SEMA3A: variants seen among roughly 807,000 people sequenced by gnomAD.
SEMA3A encodes the protein semaphorin 3A, also known as semaphorin-3A.
Under a neutral mutation model 97.9 loss-of-function variants are expected in SEMA3A, and 29 were observed. That is an observed-to-expected ratio of 0.30 (90% confidence interval 0.22 to 0.40). The LOEUF is 0.40. Among genes scored for constraint, SEMA3A ranks in the 10% least tolerant of loss-of-function variants. SEMA3A has a pLI of 1.00. For missense variants in SEMA3A, 763 were observed against 951.3 expected, an observed-to-expected ratio of 0.80 and a Z score of 2.60; for synonymous variants, 321 against 323.7, an observed-to-expected ratio of 0.99 and a Z score of 0.09.
At chr7:83,983,452 G>GA (rs1431993700) in intron 13 of SEMA3A, among the ~76,000 whole-genome samples, 2 of 151,988 alleles carry the variant, frequency 1.3e-5, no homozygotes, top group African/African-American at 4.8e-5. Context: ...TATATTTATA[G>GA]ATTTTTTTAA....
chr7:84,159,034 A>G (rs1395839801), intron 1 of SEMA3A, among the ~76,000 whole-genome samples: 1 of 152,110 alleles, frequency 6.6e-6, no homozygotes, highest in Non-Finnish European at 1.5e-5. Context: ...AATAAAAAAA[A>G]AAACCTTCAT....
intron 1 of SEMA3A, among the ~76,000 whole-genome samples, chr7:84,150,913 C>A (rs1796635268): frequency 6.6e-6 from 1 of 150,846 alleles, no homozygotes; most frequent in Non-Finnish European, 1.5e-5. Flanking sequence ...AGACTGCCTC[C>A]TCAAGTGGGT....
intron 3 of SEMA3A, among the ~76,000 whole-genome samples, chr7:84,213,814 A>G (rs1397018190): frequency 2.0e-5 from 3 of 152,198 alleles, no homozygotes; most frequent in African/African-American, 7.2e-5. Flanking sequence ...TTAATTTTTA[A>G]TTACAAAATT....
chr7:84,439,439 T>G (rs1228948), intron 1 of SEMA3A, among the ~76,000 whole-genome samples: 26,924 of 152,210 alleles, frequency 0.18, 2,522 homozygotes, highest in Middle Eastern at 0.24. Context: ...GATTACTGAC[T>G]GCAATGCTAG....
intron 2 of SEMA3A, among the ~76,000 whole-genome samples, chr7:84,358,491 T>C (rs1327300954): frequency 6.6e-6 from 1 of 152,142 alleles, no homozygotes; most frequent in African/African-American, 2.4e-5. Context: ...GTTCCATTGG[T>C]CTCTGTCTCT....
chr7:84,115,046 C>T (rs1392897446), intron 3 of SEMA3A, among the ~76,000 whole-genome samples: 1 of 151,978 alleles, frequency 6.6e-6, no homozygotes, highest in East Asian at 1.9e-4. Flanking sequence ...TTAGAATATG[C>T]CATAATAAAA....
chr7:84,415,234 T>C (rs7788019), intron 1 of SEMA3A, among the ~76,000 whole-genome samples: 1 of 152,070 alleles, frequency 6.6e-6, no homozygotes, highest in South Asian at 2.1e-4. Context: ...AAATCTGTGT[T>C]AAAAAATCTG....
intron 5 of SEMA3A, 75 bp downstream of exon 5, chr7:84,060,390 G>A: frequency 1.2e-6 from 1 of 862,916 alleles, no homozygotes. Context: ...GAAAATCTTG[G>A]TAGATAAAAA....
rs1425322939 is a variant in SEMA3A at position 84,051,799 on chromosome 7, G to A, written c.548-5356C>T. Reference sequence around the variant, plus strand: ...TCCCTGTATTGTGCCAGTCTTCAAAGGGAATGCTTCCAGTTTTTGCACATT... The same window carrying A: ...TCCCTGTATTGTGCCAGTCTTCAAAAGGAATGCTTCCAGTTTTTGCACATT... On this transcript the variant is annotated intron_variant, in intron 5 of 16. Coordinates refer to ENST00000265362, the MANE Select transcript of SEMA3A (RefSeq NM_006080.3). 3.3e-5 allele frequency among the ~76,000 whole-genome samples: 5 copies of A among 151,936 alleles called. No homozygotes were observed. The East Asian group carries it at 7.8e-4, about 24-fold the overall frequency.
chr7:83,994,864 G>A (rs62473917), intron 12 of SEMA3A, among the ~76,000 whole-genome samples: 18,441 of 152,156 alleles, frequency 0.12, 1,402 homozygotes, highest in Non-Finnish European at 0.17. Context: ...CTTCCCGGCT[G>A]CTTTGTTTAC....
At chr7:83,975,331 C>T (rs1478907292) in intron 15 of SEMA3A, among the ~76,000 whole-genome samples, 1 of 152,010 alleles carries the variant, frequency 6.6e-6, no homozygotes, top group Non-Finnish European at 1.5e-5. Flanking sequence ...CAAAACACAG[C>T]ATAGTGTCCT....
intron 2 of SEMA3A, among the ~76,000 whole-genome samples, chr7:84,316,097 G>A (rs1801490933): frequency 7.7e-6 from 1 of 129,512 alleles, no homozygotes; most frequent in Admixed American, 8.5e-5. Context: ...TTCACTTGAA[G>A]GCCTGCCTGC....
intron 3 of SEMA3A, among the ~76,000 whole-genome samples, chr7:84,201,935 T>C (rs1798368514): frequency 6.6e-6 from 1 of 152,172 alleles, no homozygotes; most frequent in Non-Finnish European, 1.5e-5. Context: ...AATTAAAGTT[T>C]ATAATCTTCC....
At chr7:84,346,649 T>A (rs1802307468) in intron 2 of SEMA3A, among the ~76,000 whole-genome samples, 1 of 152,162 alleles carries the variant, frequency 6.6e-6, no homozygotes, top group African/African-American at 2.4e-5. Flanking sequence ...AACTTTGCCG[T>A]CTTATATGGG....
At chr7:84,091,298 G>GA (rs1333606809) in intron 4 of SEMA3A, among the ~76,000 whole-genome samples, 2 of 80,924 alleles carry the variant, frequency 2.5e-5, no homozygotes, top group Admixed American at 1.6e-4. Flanking sequence ...GAAAGAAAAA[G>GA]AAAAAGAAAG....
At chr7:84,214,658 T>C (rs1798702779) in intron 3 of SEMA3A, among the ~76,000 whole-genome samples, 1 of 151,726 alleles carries the variant, frequency 6.6e-6, no homozygotes, top group South Asian at 2.1e-4. Flanking sequence ...ACATGCTCTC[T>C]AATTGCTACA....
intron 1 of SEMA3A, among the ~76,000 whole-genome samples, chr7:84,167,484 T>C (rs1797249326): frequency 6.6e-6 from 1 of 152,192 alleles, no homozygotes; most frequent in African/African-American, 2.4e-5. Flanking sequence ...CTGAAAAGAT[T>C]AAATTGAATC....
intron 4 of SEMA3A, among the ~76,000 whole-genome samples, chr7:84,106,318 T>G (rs1278922796): frequency 6.6e-6 from 1 of 152,126 alleles, no homozygotes; most frequent in African/African-American, 2.4e-5. Context: ...AAATACTTAT[T>G]ATTATGCTAC....
intron 6 of SEMA3A, among the ~76,000 whole-genome samples, chr7:84,020,807 T>A (rs1172344207): frequency 6.6e-6 from 1 of 152,180 alleles, no homozygotes; most frequent in Non-Finnish European, 1.5e-5. Flanking sequence ...TACAGTAATA[T>A]TTTGGAATAA....
Sources: gnomAD v4.1 joint callset for allele counts (sites outside exome capture counted in the v4.1 genomes callset) on GRCh38, gnomAD v4.1.1 for gene constraint, MANE v1.5 for transcripts, NCBI Gene and HGNC (gene_info 2026-07-23, HGNC 2026-07-21) for gene names.